The following RIMS1 variants were observed in gnomAD, a reference collection of about 807,000 sequenced individuals.
RIMS1 encodes regulating synaptic membrane exocytosis 1, also known as regulating synaptic membrane exocytosis protein 1.
RIMS1 carries 83 observed loss-of-function variants against 214.1 expected under a neutral mutation model. The ratio of observed to expected loss-of-function variants is 0.39; its 90% CI spans 0.32 to 0.47. The LOEUF is 0.47. RIMS1 is among the 20% of genes least tolerant of loss of function. The pLI is 0.99. For synonymous variants in RIMS1, 793 were observed against 786.8 expected (o/e 1.01, Z -0.13); for missense variants, 2,050 against 2,161.8 (o/e 0.95, Z 1.03).
intron 2 of RIMS1, among the ~76,000 whole-genome samples, chr6:72,091,138 T>G (rs1159199087): frequency 1.3e-5 from 2 of 152,232 alleles, no homozygotes; most frequent in African/African-American, 4.8e-5. Flanking sequence ...TTGGAAGTCC[T>G]GCATGCAAAC....
chr6:71,935,714 A>C (rs1784245339), intron 1 of RIMS1, among the ~76,000 whole-genome samples: 1 of 152,224 alleles, frequency 6.6e-6, no homozygotes, highest in Non-Finnish European at 1.5e-5. Context: ...ACGAGTTGTA[A>C]CTGAGGGCTG....
intron 29 of RIMS1, among the ~76,000 whole-genome samples, chr6:72,380,834 C>T (rs927128340): frequency 1.3e-5 from 2 of 152,036 alleles, no homozygotes; most frequent in Admixed American, 1.3e-4. Context: ...GCCTGGCCTT[C>T]GGACCACTTC....
At chr6:71,908,076 C>T (rs1775788662) in intron 1 of RIMS1, among the ~76,000 whole-genome samples, 1 of 152,158 alleles carries the variant, frequency 6.6e-6, no homozygotes, top group Non-Finnish European at 1.5e-5. Context: ...TTTTTGGATT[C>T]TTGGTTCAAG....
At chr6:72,000,529 T>A (rs1584537994) in intron 2 of RIMS1, among the ~76,000 whole-genome samples, 1 of 152,140 alleles carries the variant, frequency 6.6e-6, no homozygotes, top group Non-Finnish European at 1.5e-5. Context: ...ACTCTTACCA[T>A]TTGCAAATAA....
At chr6:72,393,931 C>G (rs1010950640) in intron 31 of RIMS1, among the ~76,000 whole-genome samples, 19 of 150,434 alleles carry the variant, frequency 1.3e-4, no homozygotes, top group African/African-American at 4.1e-4. Flanking sequence ...AGCAAGGCCT[C>G]AAATCATTTT....
At chr6:72,162,575 C>T (rs1310140044) in intron 4 of RIMS1, among the ~76,000 whole-genome samples, 7 of 140,708 alleles carry the variant, frequency 5.0e-5, no homozygotes, top group African/African-American at 1.5e-4. Context: ...TCTTGTAAGG[C>T]AGGCCTGGTG....
At chr6:72,277,281 T>G (rs985604579) in intron 23 of RIMS1, among the ~76,000 whole-genome samples, 4 of 152,108 alleles carry the variant, frequency 2.6e-5, no homozygotes, top group Admixed American at 2.6e-4. Context: ...GGTACTTTTA[T>G]CTAAGAATAT....
chr6:72,158,590 T>C (rs1211551173), intron 4 of RIMS1, among the ~76,000 whole-genome samples: 3 of 109,362 alleles, frequency 2.7e-5, no homozygotes, highest in African/African-American at 9.0e-5. Flanking sequence ...CCCTGGTGTG[T>C]GATGTTCCCC....
intron 4 of RIMS1, among the ~76,000 whole-genome samples, chr6:72,107,964 G>A (rs1211838404): frequency 2.0e-5 from 3 of 152,032 alleles, no homozygotes; most frequent in Non-Finnish European, 4.4e-5. Context: ...GCATTTGCTG[G>A]TATCAGCCCG....
intron 26 of RIMS1, among the ~76,000 whole-genome samples, chr6:72,305,915 AG>A (rs991441096): frequency 2.6e-5 from 4 of 152,172 alleles, no homozygotes; most frequent in African/African-American, 9.6e-5. Flanking sequence ...TACTGATAAA[AG>A]TATGATTAAA....
rs768581363 is a variant in RIMS1 at position 72,264,967 on chromosome 6, C to T, written c.3117-8C>T. The T allele has an allele frequency of 1.4e-5, 22 of 1,567,118 alleles. No individual in the cohort carries two copies. The highest frequency in any genetic ancestry group is 2.3e-5 in the East Asian group (1 of 43,710). The stretch of plus-strand genomic sequence containing the variant: ...TGTTTCCTGCGTGTTTGTGTTGCTA[C>T]GTTCCAGACATCTTGTTAGGCACTA... On this transcript the variant is annotated splice_polypyrimidine_tract_variant and splice_region_variant and intron_variant, in intron 19 of 33. Coordinates refer to ENST00000521978, the MANE Select transcript of RIMS1 (RefSeq NM_014989.7).
At chr6:72,394,703 T>A (rs1387712114) in intron 31 of RIMS1, among the ~76,000 whole-genome samples, 1 of 151,576 alleles carries the variant, frequency 6.6e-6, no homozygotes, top group Non-Finnish European at 1.5e-5. Context: ...ATGTGTGTGA[T>A]TTAAAAAGAA....
At chr6:71,918,807 G>A (rs1779159019) in intron 1 of RIMS1, among the ~76,000 whole-genome samples, 1 of 152,078 alleles carries the variant, frequency 6.6e-6, no homozygotes, top group Admixed American at 6.5e-5. Context: ...ACTGATAAGA[G>A]GTAAATTAAA....
At chr6:72,204,845 G>A (rs987489921) in intron 6 of RIMS1, among the ~76,000 whole-genome samples, 2 of 152,082 alleles carry the variant, frequency 1.3e-5, no homozygotes, top group African/African-American at 4.8e-5. Context: ...TAATTTCATA[G>A]GGAGAAAAGA....
Position 72,182,768 on chromosome 6 carries a change from A to G in RIMS1, c.1297A>G (p.Thr433Ala), listed in dbSNP as rs996767502. 21 of 1,544,572 alleles carry G rather than the reference A, an allele frequency of 1.4e-5. No individual in the cohort carries two copies. Among genetic ancestry groups the G allele is most frequent in the Admixed American group, 2.0e-5 (1 of 51,236 alleles). The change falls in exon 6 of 34, where the codon ACT becomes GCT. Residue 433 changes from threonine to alanine, a missense_variant. Around this residue, in one of 6 missense-constraint regions of RIMS1, gnomAD observed 882 missense variants for 828.9 expected, o/e 1.06. Coordinates refer to ENST00000521978, the MANE Select transcript of RIMS1 (RefSeq NM_014989.7). ...GCCGCGGGCTTACTCGGCTGAGAGA[A>G]CTGCGGAGACCAGGGCGCCGGGCGC... ...DSPRAYSAERTAETRAPGAKQ... is the reference protein window; with the variant it reads ...DSPRAYSAERAAETRAPGAKQ...
chr6:72,318,012 G>A (rs759593373), intron 28 of RIMS1, among the ~76,000 whole-genome samples: 12 of 151,902 alleles, frequency 7.9e-5, no homozygotes, highest in African/African-American at 2.9e-4. Flanking sequence ...TTGTTTTAAA[G>A]TCAGTTTTTC....
intron 3 of RIMS1, 77 bp from the exon 4 acceptor site, chr6:72,099,898 T>C: frequency 5.2e-6 from 6 of 1,160,874 alleles, no homozygotes; most frequent in Non-Finnish European, 7.7e-6. Flanking sequence ...AACCAATTTA[T>C]TAATACATGG....
chr6:72,087,293 T>C (rs1834912073), intron 2 of RIMS1, among the ~76,000 whole-genome samples: 1 of 152,242 alleles, frequency 6.6e-6, no homozygotes, highest in Non-Finnish European at 1.5e-5. Context: ...ACCATGCCAA[T>C]GCAGTATTTT....
chr6:72,209,923 A>C lies in RIMS1; in HGVS notation c.1679-23850A>C, dbSNP rs1194819218. 2.1e-5 allele frequency among the ~76,000 whole-genome samples: 3 copies of C among 141,078 alleles called. No individual in the cohort carries two copies. In the East Asian group the frequency reaches 6.7e-4, roughly 32 times the overall value. The allele number at this position is 141,078 out of a possible 152,430, so 92.6% of individuals were successfully genotyped here. A position where few individuals can be genotyped will look rare whatever the true frequency, so the allele number is the denominator to read the frequency against. On this transcript the variant is annotated intron_variant, in intron 6 of 33. Transcript: ENST00000521978. ...CTCAAAAAAAAAAAAAAAAAAAAAA[A>C]AGGGAAAGAAACATAAAACAAAAAA...
Sources: allele counts gnomAD v4.1 joint callset (sites outside exome capture counted in the v4.1 genomes callset), GRCh38; gene constraint gnomAD v4.1.1; regional missense constraint gnomAD v4.1.1; transcripts MANE v1.5; gene names NCBI Gene and HGNC (gene_info 2026-07-23, HGNC 2026-07-21).